SNTG1: variants seen among roughly 807,000 people sequenced by gnomAD.
SNTG1 encodes the protein gamma-1-syntrophin.
Under a neutral mutation model 74.7 loss-of-function variants are expected in SNTG1, and 39 were observed. The observed-to-expected ratio is 0.52, with a 90% CI of 0.40 to 0.68. The LOEUF (loss-of-function observed/expected upper bound fraction) is 0.68. Ranked by LOEUF, SNTG1 falls within the 30% of genes least tolerant of loss-of-function variation. The pLI is 0.00. For missense variants in SNTG1, 685 were observed against 609.5 expected, an observed-to-expected ratio of 1.12 and a Z score of -1.30; for synonymous variants, 254 against 217.1, an observed-to-expected ratio of 1.17 and a Z score of -1.49.
chr8:50,107,356 G>T (rs191006609), intron 1 of SNTG1, among the ~76,000 whole-genome samples: 50 of 152,162 alleles, frequency 3.3e-4, no homozygotes, highest in African/African-American at 1.0e-3. Flanking sequence ...ATAGATAAAA[G>T]AAAATAGATT....
At chr8:50,672,160 A>G (rs1348407134) in intron 15 of SNTG1, among the ~76,000 whole-genome samples, 1 of 151,592 alleles carries the variant, frequency 6.6e-6, no homozygotes, top group African/African-American at 2.4e-5. Context: ...TAACCTGCAC[A>G]TTGTGCACAT....
chr8:50,358,339 T>G (rs1348296979), intron 2 of SNTG1, among the ~76,000 whole-genome samples: 7 of 152,218 alleles, frequency 4.6e-5, no homozygotes, highest in African/African-American at 1.7e-4. Flanking sequence ...TGTTTTTAAC[T>G]TCATTAACTA....
intron 2 of SNTG1, among the ~76,000 whole-genome samples, chr8:50,322,111 CTTCT>C (rs1350848384): frequency 1.5e-4 from 7 of 46,644 alleles, no homozygotes; most frequent in Non-Finnish European, 2.9e-4. Flanking sequence ...TTTAGCATTT[CTTCT>C]TTTTTTTATT....
intron 9 of SNTG1, among the ~76,000 whole-genome samples, chr8:50,519,915 C>T (rs1384949663): frequency 6.6e-6 from 1 of 151,788 alleles, no homozygotes; most frequent in Non-Finnish European, 1.5e-5. Flanking sequence ...CATTGACTTT[C>T]TTCACAGAAT....
intron 1 of SNTG1, among the ~76,000 whole-genome samples, chr8:49,977,991 T>C (rs558295687): frequency 6.6e-6 from 1 of 152,262 alleles, no homozygotes; most frequent in South Asian, 2.1e-4. Flanking sequence ...GGGGAAATAA[T>C]AATAATACAG....
At chr8:50,495,617 C>T (rs1376421987) in intron 8 of SNTG1, among the ~76,000 whole-genome samples, 7 of 152,128 alleles carry the variant, frequency 4.6e-5, no homozygotes, top group African/African-American at 1.2e-4. Context: ...TCTGCTGCTA[C>T]ACTTGATTTA....
At chr8:49,976,057 C>T (rs987691514) in intron 1 of SNTG1, among the ~76,000 whole-genome samples, 2 of 151,950 alleles carry the variant, frequency 1.3e-5, no homozygotes. Context: ...GAAAGAAGAC[C>T]TACTGTCATT....
At chr8:50,617,378 TCACACA>T (rs3999830) in intron 13 of SNTG1, among the ~76,000 whole-genome samples, 13,773 of 147,010 alleles carry the variant, frequency 0.094, 1,429 homozygotes, top group African/African-American at 0.25. Flanking sequence ...AGTAAGCATT[TCACACA>T]CACACACACA....
chr8:50,478,498 A>G (rs2093714333), intron 8 of SNTG1, among the ~76,000 whole-genome samples: 1 of 152,162 alleles, frequency 6.6e-6, no homozygotes, highest in Non-Finnish European at 1.5e-5. Flanking sequence ...TCTGCTAACC[A>G]CTGAAGCCAC....
At chr8:50,068,662 G>A (rs1485517210) in intron 1 of SNTG1, among the ~76,000 whole-genome samples, 1 of 152,146 alleles carries the variant, frequency 6.6e-6, no homozygotes, top group Non-Finnish European at 1.5e-5. Flanking sequence ...ACAAATGGAT[G>A]CCCAATTGTG....
intron 2 of SNTG1, among the ~76,000 whole-genome samples, chr8:50,248,685 C>A (rs889731342): frequency 6.6e-6 from 1 of 151,952 alleles, no homozygotes; most frequent in African/African-American, 2.4e-5. Flanking sequence ...AAATAAGGTA[C>A]AGAATACACG....
At chr8:50,653,528 T>G (rs1157118744) in intron 13 of SNTG1, among the ~76,000 whole-genome samples, 3 of 152,236 alleles carry the variant, frequency 2.0e-5, no homozygotes, top group Non-Finnish European at 4.4e-5. Flanking sequence ...CACCTTACCT[T>G]GTGCCTTACA....
intron 1 of SNTG1, among the ~76,000 whole-genome samples, chr8:49,976,952 G>A (rs1812248922): frequency 6.6e-6 from 1 of 152,174 alleles, no homozygotes; most frequent in Non-Finnish European, 1.5e-5. Context: ...GCTTGTCTCA[G>A]TGACCATGGG....
chr8:50,600,398 T>G (rs1389647674), intron 13 of SNTG1, among the ~76,000 whole-genome samples: 1 of 152,140 alleles, frequency 6.6e-6, no homozygotes, highest in Non-Finnish European at 1.5e-5. Context: ...TTTGATAGAA[T>G]TTAGCAGTGA....
chr8:50,068,811 G>A (rs1821113131), intron 1 of SNTG1, among the ~76,000 whole-genome samples: 1 of 152,094 alleles, frequency 6.6e-6, no homozygotes, highest in Admixed American at 6.6e-5. Context: ...CTTTTGCTCA[G>A]CTGATGTTAA....
chr8:50,467,651 C>A (rs1472522424), intron 8 of SNTG1, among the ~76,000 whole-genome samples: 8 of 151,752 alleles, frequency 5.3e-5, no homozygotes, highest in Admixed American at 5.3e-4. Context: ...TTGATTTCCT[C>A]TGTAGTTTTT....
rs554160455 is a variant in SNTG1 at position 50,364,825 on chromosome 8, T to C, written c.-27-29387T>C. ...TTTTTTATTGCAGTAATCATTTAAATCAGTTTTTGACTTCTTACAAATCAC... is the reference window on the plus strand; with the variant it reads ...TTTTTTATTGCAGTAATCATTTAAACCAGTTTTTGACTTCTTACAAATCAC... On this transcript the variant is annotated intron_variant, in intron 2 of 18. Transcript: ENST00000642720. Among the ~76,000 whole-genome samples, 155 of 152,210 alleles carry C rather than the reference T, an allele frequency of 1.0e-3. 1 individual carries two copies. Among genetic ancestry groups the C allele is most frequent in the African/African-American group, 3.3e-3 (137 of 41,568 alleles).
intron 8 of SNTG1, among the ~76,000 whole-genome samples, chr8:50,471,360 T>A (rs1223879728): frequency 2.0e-4 from 31 of 151,878 alleles, no homozygotes; most frequent in Non-Finnish European, 2.9e-5. Flanking sequence ...AAATTAAAAA[T>A]TGTCATCTAT....
chr8:50,250,081 A>T (rs930502485), intron 2 of SNTG1, among the ~76,000 whole-genome samples: 7 of 152,080 alleles, frequency 4.6e-5, no homozygotes, highest in African/African-American at 7.2e-5. Flanking sequence ...TGAAATCAGG[A>T]AAACAATTAT....
Sources: gnomAD v4.1 joint callset for allele counts (sites outside exome capture counted in the v4.1 genomes callset) on GRCh38, gnomAD v4.1.1 for gene constraint, MANE v1.5 for transcripts, NCBI Gene and HGNC (gene_info 2026-07-23, HGNC 2026-07-21) for gene names.